DMD: variants seen among roughly 807,000 people sequenced by gnomAD.
DMD encodes the protein dystrophin, also known as mutant dystrophin.
Under a neutral mutation model 330.1 loss-of-function variants are expected in DMD, and 63 were observed. The observed-to-expected ratio is 0.19, with a 90% CI of 0.16 to 0.24. DMD has a LOEUF of 0.24. DMD is among the 10% of genes least tolerant of loss of function. The pLI, the probability that DMD is intolerant of heterozygous loss-of-function variation, is 1.00. For missense variants in DMD, 3,344 were observed against 2,684.1 expected, an observed-to-expected ratio of 1.25 and a Z score of -5.43; for synonymous variants, 1,223 against 959.8, an observed-to-expected ratio of 1.27 and a Z score of -5.07.
intron 44 of DMD, among the ~76,000 whole-genome samples, chrX:32,095,309 C>G (rs2148037223): frequency 8.9e-6 from 1 of 111,809 alleles, no homozygotes; most frequent in South Asian, 3.7e-4. Context: ...ATCTCGTTAT[C>G]CATAGTTTCA....
intron 1 of DMD, among the ~76,000 whole-genome samples, chrX:33,071,422 TAAAAAAAAAAA>T (rs747432653): frequency 0.015 from 1,031 of 71,068 alleles, 19 homozygotes; most frequent in African/African-American, 0.051. Flanking sequence ...CTGTCCTGAT[TAAAAAAAAAAA>T]AAAAAAAAAG....
chrX:32,442,209 T>A (rs2148230785), intron 27 of DMD, among the ~76,000 whole-genome samples: 1 of 110,396 alleles, frequency 9.1e-6, no homozygotes, highest in Admixed American at 9.7e-5. Flanking sequence ...ATTAGGACCT[T>A]CTATTCATCA....
In DMD at chrX:32,816,572, G is replaced by C. The variant is rs753380259; in HGVS notation, c.426C>G (p.Ser142Arg). 8.3e-7 allele frequency: 1 copy of C among 1,209,624 alleles called. No homozygotes were observed. Among genetic ancestry groups the C allele is most frequent in the African/African-American group, 1.7e-5 (1 of 57,206 alleles). ...QQTNSEKILL[S>R]WVRQSTRNYP... The stretch of plus-strand genomic sequence containing the variant: ...AATTACGAGTTGATTGTCGGACCCA[G>C]CTCAGGAGAATCTTTTCACTGTTGG... The change falls in exon 6 of 79, where the codon AGC (serine) becomes AGG (arginine). Residue 142 changes from serine to arginine, a missense_variant. By Grantham distance (110) the Ser-to-Arg change is moderately radical. Coordinates refer to ENST00000357033, the MANE Select transcript of DMD (RefSeq NM_004006.3).
intron 4 of DMD, among the ~76,000 whole-genome samples, chrX:32,826,012 C>T (rs1350068189): frequency 1.8e-5 from 2 of 110,766 alleles, no homozygotes; most frequent in Admixed American, 1.9e-4. Context: ...AAAATGATAC[C>T]TCAAACCCTA....
At chrX:31,613,625 T>C (rs1281845101) in intron 55 of DMD, among the ~76,000 whole-genome samples, 4 of 111,531 alleles carry the variant, frequency 3.6e-5, no homozygotes, top group Non-Finnish European at 7.5e-5. Flanking sequence ...TAGAATACCT[T>C]CTCTGATCTT....
chrX:31,837,616 C>T (rs2093230707), intron 48 of DMD, among the ~76,000 whole-genome samples: 1 of 111,569 alleles, frequency 9.0e-6, no homozygotes. Context: ...TGTCAGGCAT[C>T]AGTCAGGGCC....
At chrX:32,406,348 C>A (rs1001773410) in intron 30 of DMD, among the ~76,000 whole-genome samples, 1 of 111,285 alleles carries the variant, frequency 9.0e-6, no homozygotes, top group Admixed American at 9.6e-5. Flanking sequence ...AAAGGGAATG[C>A]TTCCAGTTTT....
chrX:32,494,788 A>G (rs1183015222), intron 19 of DMD, among the ~76,000 whole-genome samples: 1 of 111,360 alleles, frequency 9.0e-6, no homozygotes, highest in African/African-American at 3.3e-5. Context: ...TAATAATACT[A>G]TTTTAAAATT....
intron 1 of DMD, among the ~76,000 whole-genome samples, chrX:33,150,227 A>T (rs2048212307): frequency 9.1e-6 from 1 of 110,163 alleles, no homozygotes; most frequent in African/African-American, 3.3e-5. Context: ...CAAGTCTCTA[A>T]TCTGTACCAC....
chrX:31,942,095 G>A (rs942700414), intron 45 of DMD, among the ~76,000 whole-genome samples: 5 of 111,828 alleles, frequency 4.5e-5, no homozygotes, highest in African/African-American at 1.3e-4. Flanking sequence ...AGTTCTTTGA[G>A]AAATTTTCAA....
Position 32,644,215 on chromosome X carries a change from T to C in DMD, c.1248A>G (p.Glu416=). The change falls in exon 11 of 79, where the codon GAA becomes GAG. Residue 416 remains glutamate (E), a synonymous_variant. Coordinates refer to ENST00000357033, the MANE Select transcript of DMD (RefSeq NM_004006.3). ...LIGTGKLSED[E]ETEVQEQMNL... is the part of the protein sequence containing the mutation. ...TCATCTGCTCTTGTACTTCAGTTTC[T>C]TCATCTTCTGATAATTTTCCTGTTC... 8.3e-7 allele frequency: 1 copy of C among 1,210,901 alleles called. No individual in the cohort carries two copies. Among genetic ancestry groups the C allele is most frequent in the Non-Finnish European group, 1.1e-6 (1 of 894,644 alleles).
At chrX:31,724,325 T>C (rs2085834183) in intron 52 of DMD, among the ~76,000 whole-genome samples, 1 of 112,240 alleles carries the variant, frequency 8.9e-6, no homozygotes, top group African/African-American at 3.2e-5. Flanking sequence ...TTTCATAGAT[T>C]TGGTTGCAGC....
chrX:33,041,817 G>T, intron 1 of DMD: 2 of 786,465 alleles, frequency 2.5e-6, no homozygotes, highest in East Asian at 3.3e-5. Context: ...AGTAGTATGA[G>T]AATGTGATTG....
chrX:31,424,458 T>C (rs777903217), intron 60 of DMD, among the ~76,000 whole-genome samples: 2 of 111,776 alleles, frequency 1.8e-5, no homozygotes, highest in South Asian at 3.8e-4. Flanking sequence ...CTCAGCTACA[T>C]AGACTAGTCT....
chrX:32,836,895 T>A (rs1481195995), intron 4 of DMD, among the ~76,000 whole-genome samples: 1 of 112,303 alleles, frequency 8.9e-6, no homozygotes, highest in Non-Finnish European at 1.9e-5. Context: ...AAATTTTTTT[T>A]ACTATTTTCC....
intron 1 of DMD, among the ~76,000 whole-genome samples, chrX:33,153,033 G>A (rs2048350441): frequency 8.9e-6 from 1 of 112,600 alleles, no homozygotes; most frequent in African/African-American, 3.2e-5. Context: ...AATGTAGATG[G>A]TGCAGCATTT....
intron 1 of DMD, among the ~76,000 whole-genome samples, chrX:33,231,982 G>T (rs888401873): frequency 5.6e-4 from 62 of 110,872 alleles, no homozygotes; most frequent in Non-Finnish European, 9.4e-5. Flanking sequence ...TGACAGAGCA[G>T]AACAAAAAAG....
chrX:32,795,475 A>T (rs764957308), intron 7 of DMD, among the ~76,000 whole-genome samples: 1 of 112,178 alleles, frequency 8.9e-6, no homozygotes, highest in African/African-American at 3.2e-5. Flanking sequence ...CTCAAGATGG[A>T]TTAAGGATTT....
At chrX:32,625,396 A>C (rs956911342) in intron 11 of DMD, among the ~76,000 whole-genome samples, 2 of 111,401 alleles carry the variant, frequency 1.8e-5, no homozygotes, top group Non-Finnish European at 3.8e-5. Flanking sequence ...TTACCTACAC[A>C]TAGCTAGCGG....
Sources: gnomAD v4.1 joint callset for allele counts (sites outside exome capture counted in the v4.1 genomes callset) on GRCh38, gnomAD v4.1.1 for gene constraint, MANE v1.5 for transcripts, NCBI Gene and HGNC (gene_info 2026-07-23, HGNC 2026-07-21) for gene names.